Variants in ULK4 observed in about 807,000 individuals in gnomAD.
ULK4 encodes unc-51 like kinase 4.
ULK4 carries 133 observed loss-of-function variants against 160.6 expected under a neutral mutation model. The ratio of observed to expected loss-of-function variants is 0.83; its 90% CI spans 0.72 to 0.96. The LOEUF (loss-of-function observed/expected upper bound fraction) is 0.96. ULK4 is among the 40% of genes least tolerant of loss of function. The pLI is 0.00. For synonymous variants in ULK4, 534 were observed against 539.8 expected (o/e 0.99, Z 0.15); for missense variants, 1,580 against 1,499.5 (o/e 1.05, Z -0.89).
At chr3:41,582,584 G>A (rs2030459812) in intron 31 of ULK4, among the ~76,000 whole-genome samples, 1 of 152,204 alleles carries the variant, frequency 6.6e-6, no homozygotes, top group African/African-American at 2.4e-5. Flanking sequence ...CTCTGAGGAG[G>A]CCTTCATCAC....
At chr3:41,646,268 A>C (rs896402151) in intron 30 of ULK4, among the ~76,000 whole-genome samples, 1 of 152,142 alleles carries the variant, frequency 6.6e-6, no homozygotes, top group African/African-American at 2.4e-5. Context: ...TCGTTAGTTG[A>C]TGCAGTTTCT....
At chr3:41,674,314 G>A (rs1189925014) in intron 29 of ULK4, among the ~76,000 whole-genome samples, 2 of 152,096 alleles carry the variant, frequency 1.3e-5, no homozygotes, top group African/African-American at 2.4e-5. Context: ...CCTTGATAAT[G>A]ACTTTGATAT....
At chr3:41,939,531 A>G (rs1367349971) in intron 2 of ULK4, among the ~76,000 whole-genome samples, 1 of 138,772 alleles carries the variant, frequency 7.2e-6, no homozygotes, top group Non-Finnish European at 1.6e-5. Flanking sequence ...CTATTGTCCA[A>G]GTTTCTACAG....
chr3:41,721,613 G>A (rs1230955340), intron 22 of ULK4, among the ~76,000 whole-genome samples: 4 of 151,428 alleles, frequency 2.6e-5, no homozygotes, highest in African/African-American at 7.3e-5. Flanking sequence ...TGATCCACCC[G>A]CCTCAGCCTC....
intron 17 of ULK4, among the ~76,000 whole-genome samples, chr3:41,861,100 C>T (rs1369029797): frequency 6.7e-6 from 1 of 150,100 alleles, no homozygotes; most frequent in African/African-American, 2.5e-5. Context: ...TCTCATTGCA[C>T]TGACCATCTT....
intron 32 of ULK4, among the ~76,000 whole-genome samples, chr3:41,493,032 T>A (rs1266168203): frequency 8.3e-6 from 1 of 119,784 alleles, no homozygotes; most frequent in Non-Finnish European, 1.8e-5. Flanking sequence ...GACAGAAAGT[T>A]AACAAGGATA....
At chr3:41,575,076 A>G (rs2088140483) in intron 31 of ULK4, among the ~76,000 whole-genome samples, 1 of 152,328 alleles carries the variant, frequency 6.6e-6, no homozygotes, top group South Asian at 2.1e-4. Context: ...AGTGCTTTCA[A>G]TCCGGCATTA....
intron 21 of ULK4, among the ~76,000 whole-genome samples, chr3:41,781,095 A>G (rs36043972): frequency 6.6e-6 from 1 of 152,206 alleles, no homozygotes; most frequent in Non-Finnish European, 1.5e-5. Flanking sequence ...CTCTATACAT[A>G]CAGAGAGAGA....
At chr3:41,741,937 C>T (rs543991476) in intron 22 of ULK4, among the ~76,000 whole-genome samples, 2 of 151,934 alleles carry the variant, frequency 1.3e-5, no homozygotes, top group Admixed American at 6.5e-5. Flanking sequence ...GGGTGCTAGA[C>T]AAGCCTCCAA....
chr3:41,499,683 C>A (rs2085120156), intron 32 of ULK4, among the ~76,000 whole-genome samples: 1 of 152,096 alleles, frequency 6.6e-6, no homozygotes, highest in African/African-American at 2.4e-5. Flanking sequence ...CAAAGGCCTG[C>A]CAACTTTACG....
rs192006442 is a variant in ULK4 at position 41,627,458 on chromosome 3, C to T, written c.3072-11741G>A. On this transcript the variant is annotated intron_variant, in intron 30 of 36. Transcript: ENST00000301831. ...CACATGACACAAGAGGCGTAAGTCCCGATCCACTGTCTTTGAGCCCCCATC... is the reference window on the plus strand; with the variant it reads ...CACATGACACAAGAGGCGTAAGTCCTGATCCACTGTCTTTGAGCCCCCATC... 1.5e-3 allele frequency among the ~76,000 whole-genome samples: 222 copies of T among 152,286 alleles called. 1 individual carries two copies. Among genetic ancestry groups the T allele is most frequent in the Middle Eastern group, 3.4e-3 (1 of 294 alleles).
chr3:41,564,456 T>C lies in ULK4; in HGVS notation c.3226+1569A>G, dbSNP rs1241485319. Reference sequence around the variant, plus strand: ...ACGTTTCTTCTTCTTCTTCTTTTTTTTTTTTTTTTTTTTTTTTTTGAGACA... The same window carrying C: ...ACGTTTCTTCTTCTTCTTCTTTTTTCTTTTTTTTTTTTTTTTTTTGAGACA... On this transcript the variant is annotated intron_variant, in intron 32 of 36. Coordinates refer to ENST00000301831, the MANE Select transcript of ULK4 (RefSeq NM_017886.4). Among the ~76,000 whole-genome samples the C allele has an allele frequency of 1.7e-4, 22 of 130,416 alleles. 1 individual carries two copies. The highest frequency in any genetic ancestry group is 3.1e-4 in the Non-Finnish European group (19 of 61,572). The allele number at this position is 130,416 out of a possible 152,430, so 85.6% of individuals were successfully genotyped here. A position where few individuals can be genotyped will look rare whatever the true frequency, so the allele number is the denominator to read the frequency against.
chr3:41,301,368 T>C (rs539798855), intron 35 of ULK4, among the ~76,000 whole-genome samples: 70 of 152,332 alleles, frequency 4.6e-4, no homozygotes, highest in African/African-American at 1.6e-3. Flanking sequence ...CAGAATAGAA[T>C]GGACAGAATC....
In ULK4 at chr3:41,762,731, C is replaced by T. The variant is rs186513826; in HGVS notation, c.2194-8243G>A. Among the ~76,000 whole-genome samples, 458 of 138,160 alleles carry T rather than the reference C, an allele frequency of 3.3e-3. 1 individual carries two copies. The highest frequency in any genetic ancestry group is 0.012 in the African/African-American group (434 of 36,404). The allele number at this position is 138,160 out of a possible 152,430, so 90.6% of individuals were successfully genotyped here. A position where few individuals can be genotyped will look rare whatever the true frequency, so the allele number is the denominator to read the frequency against. ...AGGCTGGAGTGCAGTGGCATGATATCGGCTCACTGCAAGCTCCGCCTCCCA... is the reference window on the plus strand; with the variant it reads ...AGGCTGGAGTGCAGTGGCATGATATTGGCTCACTGCAAGCTCCGCCTCCCA... On this transcript the variant is annotated intron_variant, in intron 21 of 36. Coordinates refer to ENST00000301831, the MANE Select transcript of ULK4 (RefSeq NM_017886.4).
At chr3:41,576,851 G>A (rs2088206624) in intron 31 of ULK4, among the ~76,000 whole-genome samples, 1 of 152,102 alleles carries the variant, frequency 6.6e-6, no homozygotes, top group Admixed American at 6.6e-5. Context: ...CTAAAATTCT[G>A]AAACAAATTT....
intron 32 of ULK4, among the ~76,000 whole-genome samples, chr3:41,464,136 C>T (rs1350332637): frequency 1.3e-5 from 2 of 152,116 alleles, no homozygotes; most frequent in Non-Finnish European, 2.9e-5. Context: ...TTTGTCCCTA[C>T]TCCAGATCAT....
chr3:41,590,899 A>G (rs951510001), intron 31 of ULK4, among the ~76,000 whole-genome samples: 3 of 152,168 alleles, frequency 2.0e-5, no homozygotes, highest in African/African-American at 7.2e-5. Flanking sequence ...GAAAGGGGAA[A>G]AAAAGCTTTT....
At chr3:41,910,919 C>T (rs538252845) in intron 11 of ULK4, among the ~76,000 whole-genome samples, 4 of 152,220 alleles carry the variant, frequency 2.6e-5, no homozygotes, top group South Asian at 2.1e-4. Flanking sequence ...ACCAAAATCA[C>T]GCCACTGCAC....
intron 34 of ULK4, among the ~76,000 whole-genome samples, chr3:41,451,654 T>C (rs2083427913): frequency 6.6e-6 from 1 of 152,070 alleles, no homozygotes; most frequent in African/African-American, 2.4e-5. Flanking sequence ...CAGAATCGTA[T>C]GATATTCCAA....
Sources: allele counts gnomAD v4.1 joint callset (sites outside exome capture counted in the v4.1 genomes callset), GRCh38; gene constraint gnomAD v4.1.1; transcripts MANE v1.5; gene names NCBI Gene and HGNC (gene_info 2026-07-23, HGNC 2026-07-21).